CAAP1: variants seen among roughly 807,000 people sequenced by gnomAD.
CAAP1 encodes the protein caspase activity and apoptosis inhibitor 1, also known as conserved anti-apoptotic protein.
A neutral mutation model predicts 34.0 loss-of-function variants in CAAP1; 20 were observed. That is an observed-to-expected ratio of 0.59 (90% CI 0.41 to 0.86). The LOEUF is 0.86. CAAP1 is among the 40% of genes least tolerant of loss of function. The pLI, the probability that CAAP1 is intolerant of heterozygous loss-of-function variation, is 0.00. For missense variants in CAAP1, 538 were observed against 450.5 expected (o/e 1.19, Z -1.76); for synonymous variants, 213 against 166.7 (o/e 1.28, Z -2.14).
intron 5 of CAAP1, among the ~76,000 whole-genome samples, chr9:26,845,715 C>G (rs926165517): frequency 6.6e-6 from 1 of 152,108 alleles, no homozygotes; most frequent in Non-Finnish European, 1.5e-5. Context: ...TGGTCTCTGG[C>G]TTTTTATCAT....
At chr9:26,890,272 G>C (rs1279505255) in intron 1 of CAAP1, among the ~76,000 whole-genome samples, 1 of 151,792 alleles carries the variant, frequency 6.6e-6, no homozygotes, top group Non-Finnish European at 1.5e-5. Context: ...TCAGGAGACT[G>C]AGCCAGGACA....
chr9:26,846,357 A>G (rs1822600959), intron 5 of CAAP1, among the ~76,000 whole-genome samples: 1 of 141,988 alleles, frequency 7.0e-6, no homozygotes, highest in East Asian at 2.5e-4. Context: ...CAGAGGGTGC[A>G]GTGAGCCGAG....
chr9:26,885,079 T>G (rs1823699772), intron 3 of CAAP1, among the ~76,000 whole-genome samples, 194 bp from the exon 4 acceptor site: 1 of 148,564 alleles, frequency 6.7e-6, no homozygotes, highest in Non-Finnish European at 1.5e-5. Flanking sequence ...CATTGCTTTT[T>G]TTTTTTTTTT....
At chr9:26,870,675 G>A (rs546649316) in intron 4 of CAAP1, among the ~76,000 whole-genome samples, 3 of 151,190 alleles carry the variant, frequency 2.0e-5, no homozygotes, top group Non-Finnish European at 4.4e-5. Flanking sequence ...GTAATGCAAT[G>A]GCGCGATCTC....
rs542865921 is a variant in CAAP1, at chr9:26,873,979, G to A, written c.665+10831C>T. Among the ~76,000 whole-genome samples the A allele has an allele frequency of 5.6e-4, 85 of 151,986 alleles. 2 individuals carry two copies. The highest frequency in any genetic ancestry group is 2.7e-3 in the East Asian group (14 of 5,168). ...TCCCAGAACTTTGGGAGGCCGAGGC[G>A]GGCAGATCACGAGGTCAGGAGACTG... is the stretch of plus-strand genomic sequence containing the variant. On this transcript the variant is annotated intron_variant, in intron 4 of 5. Transcript: ENST00000333916.
chr9:26,855,494 T>C (rs1350859867), intron 5 of CAAP1, among the ~76,000 whole-genome samples: 1 of 152,304 alleles, frequency 6.6e-6, no homozygotes, highest in East Asian at 1.9e-4. Flanking sequence ...TGGTTAATAA[T>C]AATGTACAAA....
intron 5 of CAAP1, among the ~76,000 whole-genome samples, chr9:26,853,434 G>A (rs1473569397): frequency 6.6e-6 from 1 of 152,188 alleles, no homozygotes; most frequent in Admixed American, 6.5e-5. Context: ...ATACACAAGT[G>A]TTAGAAGTCT....
At chr9:26,846,709 C>T (rs1822618431) in intron 5 of CAAP1, among the ~76,000 whole-genome samples, 1 of 151,110 alleles carries the variant, frequency 6.6e-6, no homozygotes, top group African/African-American at 2.4e-5. Context: ...TTTTTTGAGA[C>T]AGAGTTGCAC....
chr9:26,860,950 T>G (rs1454367339), intron 5 of CAAP1, 116 bp downstream of exon 5: 1 of 716,760 alleles, frequency 1.4e-6, no homozygotes, highest in African/African-American at 1.8e-5. Context: ...CCAAATAAAT[T>G]GCTCTCTTCC....
rs374338209 is a variant in CAAP1, at chr9:26,881,278, T to C, written c.665+3532A>G. Among the ~76,000 whole-genome samples, 31 of 152,332 alleles carry C rather than the reference T, an allele frequency of 2.0e-4. No individual in the cohort carries two copies. In the East Asian group the frequency reaches 5.0e-3, roughly 25 times the overall value. On this transcript the variant is annotated intron_variant, in intron 4 of 5. Coordinates refer to ENST00000333916, the MANE Select transcript of CAAP1 (RefSeq NM_024828.4). ...TGTGAACCACCATGCACAGTCGTTG[T>C]TGTAATCGTTATAAAAAGTTAAATA...
intron 5 of CAAP1, among the ~76,000 whole-genome samples, chr9:26,856,929 A>T (rs1343271357): frequency 6.6e-6 from 1 of 152,256 alleles, no homozygotes; most frequent in Admixed American, 6.5e-5. Context: ...TACAAAGGAA[A>T]ATAGTTCACA....
chr9:26,853,208 G>A (rs1822793691), intron 5 of CAAP1, among the ~76,000 whole-genome samples: 1 of 152,118 alleles, frequency 6.6e-6, no homozygotes, highest in Non-Finnish European at 1.5e-5. Context: ...GGAGATGAAG[G>A]AAAGGACTAA....
At chr9:26,873,063 C>T (rs1587114613) in intron 4 of CAAP1, among the ~76,000 whole-genome samples, 1 of 152,092 alleles carries the variant, frequency 6.6e-6, no homozygotes, top group East Asian at 1.9e-4. Context: ...GAGTTTGAGA[C>T]AAGCCTGGGC....
chr9:26,865,374 T>C (rs1261870027), intron 4 of CAAP1, among the ~76,000 whole-genome samples: 2 of 151,924 alleles, frequency 1.3e-5, no homozygotes, highest in Non-Finnish European at 2.9e-5. Context: ...AAATACAAAA[T>C]TAGCCAGGTG....
intron 5 of CAAP1, among the ~76,000 whole-genome samples, chr9:26,845,063 A>C (rs925610176): frequency 6.6e-6 from 1 of 152,154 alleles, no homozygotes; most frequent in African/African-American, 2.4e-5. Context: ...GATCATAGTG[A>C]TCACTCTCTG....
intron 1 of CAAP1, chr9:26,892,206 T>TC: frequency 2.2e-6 from 3 of 1,356,092 alleles, no homozygotes; most frequent in Non-Finnish European, 2.9e-6. Context: ...GATCAGGAAA[T>TC]CCAGAAACTT....
At chr9:26,870,594 G>C (rs1436761958) in intron 4 of CAAP1, among the ~76,000 whole-genome samples, 1 of 143,442 alleles carries the variant, frequency 7.0e-6, no homozygotes, top group Non-Finnish European at 1.5e-5. Flanking sequence ...ATACGTGTGT[G>C]TGTGTGTGTG....
intron 4 of CAAP1, among the ~76,000 whole-genome samples, chr9:26,877,664 T>C (rs1316242721): frequency 1.3e-5 from 2 of 152,138 alleles, no homozygotes; most frequent in Admixed American, 6.5e-5. Flanking sequence ...CCTTCTTTGA[T>C]GTGTTCTGTT....
chr9:26,852,263 G>C (rs982650917), intron 5 of CAAP1, among the ~76,000 whole-genome samples: 2 of 152,076 alleles, frequency 1.3e-5, no homozygotes, highest in Admixed American at 6.6e-5. Context: ...AGACCAGCCT[G>C]ACCAACGTGG....
Sources: allele counts gnomAD v4.1 joint callset (sites outside exome capture counted in the v4.1 genomes callset), GRCh38; gene constraint gnomAD v4.1.1; transcripts MANE v1.5; gene names NCBI Gene and HGNC (gene_info 2026-07-23, HGNC 2026-07-21).